PAX9: variants seen among roughly 807,000 people sequenced by gnomAD.
PAX9 encodes paired box 9.
A neutral mutation model predicts 29.1 loss-of-function variants in PAX9; 6 were observed. The ratio of observed to expected loss-of-function variants is 0.21; its 90% CI spans 0.11 to 0.41. The LOEUF (loss-of-function observed/expected upper bound fraction) is 0.41. Ranked by LOEUF, PAX9 falls within the 10% of genes least tolerant of loss-of-function variation. The probability of loss-of-function intolerance (pLI) is 1.00; values close to 1 mark genes in which losing one functional copy is unlikely to be tolerated. For synonymous variants in PAX9, 217 were observed against 211.7 expected (o/e 1.03, Z -0.22); for missense variants, 443 against 479.1 (o/e 0.92, Z 0.70).
chr14:36,660,621 A>T (rs1176496044), upstream of PAX9, among the ~76,000 whole-genome samples: 1 of 152,114 alleles, frequency 6.6e-6, no homozygotes, highest in Non-Finnish European at 1.5e-5. Context: ...AGCCACACAC[A>T]TCCCTGGGGA....
At chr14:36,667,540 T>C (rs1881552243) in intron 3 of PAX9, among the ~76,000 whole-genome samples, 1 of 152,220 alleles carries the variant, frequency 6.6e-6, no homozygotes, top group Non-Finnish European at 1.5e-5. Flanking sequence ...GTTTTCCTTT[T>C]ATTATTTTGA....
At chr14:36,662,395 G>A (rs1031344811) in intron 1 of PAX9, among the ~76,000 whole-genome samples, 2 of 152,178 alleles carry the variant, frequency 1.3e-5, no homozygotes, top group Non-Finnish European at 2.9e-5. Flanking sequence ...TTTCACACGC[G>A]CGCACACATG....
upstream of PAX9, chr14:36,661,852 C>T: frequency 1.6e-6 from 1 of 607,722 alleles, no homozygotes; most frequent in Non-Finnish European, 2.9e-6. Context: ...AGCCGCCCTG[C>T]CCTGCTCAGC....
chr14:36,673,761 G>A (rs1423061108), intron 3 of PAX9, among the ~76,000 whole-genome samples: 1 of 152,158 alleles, frequency 6.6e-6, no homozygotes, highest in Non-Finnish European at 1.5e-5. Flanking sequence ...CTCGCCAACA[G>A]TTCTGTTCTG....
Position 36,676,449 on chromosome 14 carries a change from C to T in PAX9, c.1023C>T (p.Leu341=). 5 of 1,612,726 alleles carry T rather than the reference C, an allele frequency of 3.1e-6. No homozygotes were observed. Among genetic ancestry groups the T allele is most frequent in the Non-Finnish European group, 4.2e-6 (5 of 1,180,012 alleles). The change falls in exon 4 of 4, where the codon CTC becomes CTT. Residue 341 remains leucine, a synonymous_variant. Coordinates refer to ENST00000361487, the MANE Select transcript of PAX9 (RefSeq NM_001372076.1). ...GTCATTCTGTCACGGCTTCCGCGCT[C>T]TGATGGGAAATTCCGTCTCCAGCAG... The part of the protein sequence containing the change: ...EGSHSVTASA[L]
chr14:36,660,029 G>A (rs115302300), upstream of PAX9, among the ~76,000 whole-genome samples: 2 of 152,112 alleles, frequency 1.3e-5, no homozygotes, highest in African/African-American at 4.8e-5. Context: ...CGCAGAGGTC[G>A]ATACTCACTG....
At position 36,679,015 on chromosome 14, in the gene PAX9, T is replaced by TGA. The variant is rs1566483274; in HGVS notation, c.*2563_*2564insGA. On this transcript the variant is annotated 3_prime_UTR_variant, in exon 4 of 4. Coordinates refer to ENST00000361487, the MANE Select transcript of PAX9 (RefSeq NM_001372076.1). ...TCATAGATGGTAAAAGTGTTGCTTT[T>TGA]AAACTGGCAAATGCACTCTTCAGAA... 1.0e-6 allele frequency: 1 copy of TGA among 980,652 alleles called. No individual in the cohort carries two copies. Among genetic ancestry groups the TGA allele is most frequent in the African/African-American group, 1.8e-5 (1 of 57,010 alleles). 60.7% of individuals were successfully genotyped at this position (980,652 alleles called of 1,614,324 possible).
rs1881354803 is a variant in PAX9 at position 36,663,288 on chromosome 14, C to G, written c.396C>G (p.Gly132=). 1 of 1,614,192 alleles carries G rather than the reference C, an allele frequency of 6.2e-7. No individual in the cohort carries two copies. Among genetic ancestry groups the G allele is most frequent in the Non-Finnish European group, 8.5e-7 (1 of 1,180,046 alleles). ...GCCGCATTCTGCGCAACAAGATCGG[C>G]AACTTGGCCCAGCAGGGTCATTACG... ...SISRILRNKI[G]NLAQQGHYDS... Residue 132 remains glycine (G), a synonymous_variant, in exon 2 of 4, where the codon GGC becomes GGG. Transcript: ENST00000361487.
intron 3 of PAX9, among the ~76,000 whole-genome samples, chr14:36,667,046 C>G (rs1039812970): frequency 6.6e-6 from 1 of 152,182 alleles, no homozygotes; most frequent in Non-Finnish European, 1.5e-5. Context: ...ACGCGCGCCC[C>G]GGGTCTCGGC....
In PAX9 at chr14:36,662,074, T is replaced by C; in HGVS notation, c.-16T>C. 2 of 1,559,192 alleles carry C rather than the reference T, an allele frequency of 1.3e-6. No individual in the cohort carries two copies. Among genetic ancestry groups the C allele is most frequent in the Non-Finnish European group, 1.7e-6 (2 of 1,153,356 alleles). ...GAGTGCGGAACTGGGGCCGGGTTGG[T>C]GTACTGCTCGGAGCAATGGGTGAGT... On this transcript the variant is annotated 5_prime_UTR_variant, in exon 1 of 4. Transcript: ENST00000361487.
At chr14:36,671,866 G>A (rs994279761) in intron 3 of PAX9, 4 of 152,154 alleles carry the variant, frequency 2.6e-5, no homozygotes, top group Non-Finnish European at 4.4e-5. Flanking sequence ...ATGTCAGTGT[G>A]ATGAAGTTGG....
Position 36,678,343 on chromosome 14 carries a change from T to G in PAX9, c.*1891T>G. Reference sequence around the variant, plus strand: ...ATAGAGAGCTTTGAACTGCATTTATTTCTAAAGCAACCGAAATTCAGTGCT... The same window carrying G: ...ATAGAGAGCTTTGAACTGCATTTATGTCTAAAGCAACCGAAATTCAGTGCT... On this transcript the variant is annotated 3_prime_UTR_variant, in exon 4 of 4. Transcript: ENST00000361487. 1.3e-6 allele frequency: 1 copy of G among 746,080 alleles called. No homozygotes were observed. The highest frequency in any genetic ancestry group is 2.4e-5 in the Admixed American group (1 of 41,488). The allele number at this position is 746,080 out of a possible 1,614,324, so 46.2% of individuals were successfully genotyped here.
At position 36,676,652 on chromosome 14, in the gene PAX9, T is replaced by A. The variant is rs1881905126; in HGVS notation, c.*200T>A. The A allele has an allele frequency of 1.6e-6, 1 of 642,526 alleles. No homozygotes were observed. The highest frequency in any genetic ancestry group is 2.7e-6 in the Non-Finnish European group (1 of 365,134). The allele number at this position is 642,526 out of a possible 1,614,324, so 39.8% of individuals were successfully genotyped here. ...CTTTTCTCTTGCAGAAAAACTGACA[T>A]GACTTTAGGATTTAAAAACAAGAGC... On this transcript the variant is annotated 3_prime_UTR_variant, in exon 4 of 4. Coordinates refer to ENST00000361487, the MANE Select transcript of PAX9 (RefSeq NM_001372076.1).
chr14:36,671,480 A>G (rs779469998), intron 3 of PAX9, among the ~76,000 whole-genome samples: 2 of 152,084 alleles, frequency 1.3e-5, no homozygotes, highest in Admixed American at 1.3e-4. Flanking sequence ...CTTAAAGTGT[A>G]ATGCTTGTTT....
chr14:36,662,255 G>A (rs1287173881), intron 1 of PAX9, among the ~76,000 whole-genome samples, 162 bp downstream of exon 1: 1 of 152,086 alleles, frequency 6.6e-6, no homozygotes, highest in African/African-American at 2.4e-5. Flanking sequence ...ACACGCTAAG[G>A]GTCAGCGGCG....
chr14:36,659,931 CTGTTCGTATGCGAACATCCT>C (rs1299946510), upstream of PAX9, among the ~76,000 whole-genome samples: 1 of 152,224 alleles, frequency 6.6e-6, no homozygotes, highest in African/African-American at 2.4e-5. Flanking sequence ...GAGGTCTTGC[CTGTTCGTATGCGAACATCCT>C]TGTACCCGCC....
At chr14:36,662,801 T>A in intron 1 of PAX9, 96 bp from the exon 2 acceptor site, 1 of 1,473,274 alleles carries the variant, frequency 6.8e-7, no homozygotes, top group Non-Finnish European at 9.3e-7. Context: ...GACGGGTGCG[T>A]TCGCCCAGTC....
At position 36,676,285 on chromosome 14, in the gene PAX9, A is replaced by G. The variant is rs201709294; in HGVS notation, c.859A>G (p.Met287Val). The part of the protein sequence containing the change: ...YPTPAQVSPY[M>V]TYSAAPSGYV... ...TACCCCAGCCCAAGTGTCGCCTTACATGACCTACAGTGCTGCTCCTTCTGG... is the reference window on the plus strand; with the variant it reads ...TACCCCAGCCCAAGTGTCGCCTTACGTGACCTACAGTGCTGCTCCTTCTGG... The change falls in exon 4 of 4, where the codon ATG becomes GTG. Residue 287 changes from methionine (M) to valine (V), a missense_variant. Transcript: ENST00000361487. The G allele has an allele frequency of 1.9e-6, 3 of 1,614,182 alleles. No homozygotes were observed. The highest frequency in any genetic ancestry group is 1.1e-5 in the South Asian group (1 of 91,088).
In PAX9 at chr14:36,677,062, T is replaced by C. The variant is rs1046260734; in HGVS notation, c.*610T>C. On this transcript the variant is annotated 3_prime_UTR_variant, in exon 4 of 4. Coordinates refer to ENST00000361487, the MANE Select transcript of PAX9 (RefSeq NM_001372076.1). ...TCTGAATCTAGCTCTCCCTGGTGTTTTGACTTGGTTCCAAATACAATAATG... is the reference window on the plus strand; with the variant it reads ...TCTGAATCTAGCTCTCCCTGGTGTTCTGACTTGGTTCCAAATACAATAATG... 3 of 158,354 alleles carry C rather than the reference T, an allele frequency of 1.9e-5. No homozygotes were observed. The highest frequency in any genetic ancestry group is 4.2e-5 in the Non-Finnish European group (3 of 71,486). The allele number at this position is 158,354 out of a possible 1,614,324, so 9.8% of individuals were successfully genotyped here.
Sources: gnomAD v4.1 joint callset for allele counts (sites outside exome capture counted in the v4.1 genomes callset) on GRCh38, gnomAD v4.1.1 for gene constraint, MANE v1.5 for transcripts, NCBI Gene and HGNC (gene_info 2026-07-23, HGNC 2026-07-21) for gene names.